The following NREP variants were observed in gnomAD, a reference collection of about 807,000 sequenced individuals.
The protein encoded by NREP is neuronal regeneration-related protein.
NREP carries 5 observed loss-of-function variants against 8.6 expected under a neutral mutation model. The ratio of observed to expected loss-of-function variants is 0.58; its 90% CI spans 0.30 to 1.22. The LOEUF (loss-of-function observed/expected upper bound fraction) is 1.22, where lower values mean the gene tolerates loss of function less well. Among genes scored for constraint, NREP ranks in the 50% most tolerant of loss-of-function variants. The probability of loss-of-function intolerance (pLI) is 0.07; values close to 1 mark genes in which losing one functional copy is unlikely to be tolerated. For missense variants in NREP, 86 were observed against 82.5 expected (o/e 1.04, Z -0.17); for synonymous variants, 27 against 28.0 (o/e 0.96, Z 0.11).
chr5:111,824,952 G>A (rs981158057), intron 2 of NREP, among the ~76,000 whole-genome samples: 2 of 152,108 alleles, frequency 1.3e-5, no homozygotes, highest in African/African-American at 2.4e-5. Flanking sequence ...TACATATATC[G>A]TCTATGTTGT....
chr5:111,767,561 C>T (rs255888), intron 2 of NREP, among the ~76,000 whole-genome samples: 79,415 of 151,928 alleles, frequency 0.52, 21,047 homozygotes, highest in Admixed American at 0.57. Flanking sequence ...CTCACGTCCA[C>T]GTACTCCATC....
At position 111,755,782 on chromosome 5, in the gene NREP, C is replaced by A; in HGVS notation, c.-10G>T. 1 of 1,613,860 alleles carries A rather than the reference C, an allele frequency of 6.2e-7. No homozygotes were observed. The highest frequency in any genetic ancestry group is 8.5e-7 in the Non-Finnish European group (1 of 1,179,792). On this transcript the variant is annotated 5_prime_UTR_variant, in exon 2 of 4. Transcript: ENST00000257435. Reference sequence around the variant, plus strand: ...GACCAAGTCTTACCATTTTGAGAATCTTAGTCTTGGGCTTCTATTCTCCCT... The same window carrying A: ...GACCAAGTCTTACCATTTTGAGAATATTAGTCTTGGGCTTCTATTCTCCCT...
chr5:111,762,052 T>G (rs1282739285), upstream of NREP, among the ~76,000 whole-genome samples: 1 of 151,862 alleles, frequency 6.6e-6, no homozygotes, highest in Non-Finnish European at 1.5e-5. Flanking sequence ...AATATTAGAG[T>G]AATTCACATG....
intron 2 of NREP, among the ~76,000 whole-genome samples, chr5:111,853,925 T>C (rs933865048): frequency 6.6e-6 from 1 of 152,176 alleles, no homozygotes; most frequent in African/African-American, 2.4e-5. Flanking sequence ...ACAGATGCTC[T>C]TTCTCGTTTC....
upstream of NREP, chr5:111,758,169 G>A: frequency 1.0e-6 from 1 of 985,576 alleles, no homozygotes; most frequent in Non-Finnish European, 1.2e-6. Flanking sequence ...GGAAGCCCGG[G>A]GCGGGGAGCG....
At chr5:111,952,860 A>C (rs952584223) in intron 2 of NREP, among the ~76,000 whole-genome samples, 1 of 152,118 alleles carries the variant, frequency 6.6e-6, no homozygotes. Flanking sequence ...TACAAAACAG[A>C]TATATAAAAA....
At chr5:111,822,149 C>G (rs762066575) in intron 2 of NREP, among the ~76,000 whole-genome samples, 1 of 151,904 alleles carries the variant, frequency 6.6e-6, no homozygotes. Context: ...TTGAAAACAA[C>G]TAAAAAAAGT....
chr5:111,911,218 T>C (rs887877317), intron 2 of NREP, among the ~76,000 whole-genome samples: 1 of 152,114 alleles, frequency 6.6e-6, no homozygotes, highest in African/African-American at 2.4e-5. Context: ...TACCCAATGT[T>C]CTTGATATCA....
chr5:111,773,988 G>A (rs567828026), intron 2 of NREP, among the ~76,000 whole-genome samples: 47 of 152,192 alleles, frequency 3.1e-4, no homozygotes, highest in African/African-American at 1.0e-3. Flanking sequence ...AAGCATGCTC[G>A]TCCCTAGAGT....
At chr5:111,822,211 T>A (rs1752528123) in intron 2 of NREP, among the ~76,000 whole-genome samples, 1 of 152,118 alleles carries the variant, frequency 6.6e-6, no homozygotes, top group African/African-American at 2.4e-5. Context: ...ATCAAAGCAG[T>A]GAAGACTTGA....
intron 2 of NREP, among the ~76,000 whole-genome samples, chr5:111,898,560 G>A (rs1754569071): frequency 6.6e-6 from 1 of 152,166 alleles, no homozygotes; most frequent in South Asian, 2.1e-4. Flanking sequence ...GAGTGTAAGA[G>A]AGAAGTTTAG....
At chr5:111,751,101 G>T (rs1022228401) in intron 2 of NREP, among the ~76,000 whole-genome samples, 21 of 152,154 alleles carry the variant, frequency 1.4e-4, no homozygotes, top group Non-Finnish European at 1.5e-5. Flanking sequence ...CTTAATAGAT[G>T]TTAATATGCA....
At chr5:111,896,987 A>G (rs1470876747) in intron 2 of NREP, among the ~76,000 whole-genome samples, 1 of 152,208 alleles carries the variant, frequency 6.6e-6, no homozygotes, top group East Asian at 1.9e-4. Flanking sequence ...TGTTTCATTT[A>G]ATATTATTAA....
At chr5:111,831,514 G>A (rs1327169936) in intron 2 of NREP, among the ~76,000 whole-genome samples, 1 of 152,084 alleles carries the variant, frequency 6.6e-6, no homozygotes, top group Non-Finnish European at 1.5e-5. Flanking sequence ...TCATCCACAG[G>A]CATCCTGTAT....
chr5:111,815,812 C>T (rs1752372735), intron 2 of NREP, among the ~76,000 whole-genome samples: 1 of 152,060 alleles, frequency 6.6e-6, no homozygotes, highest in African/African-American at 2.4e-5. Flanking sequence ...AGCCACAGGT[C>T]CAAGAAACCC....
intron 2 of NREP, among the ~76,000 whole-genome samples, chr5:111,881,453 G>A (rs934620380): frequency 6.6e-6 from 1 of 152,190 alleles, no homozygotes; most frequent in African/African-American, 2.4e-5. Context: ...AAATGTCCCT[G>A]TCTGACAGCT....
intron 2 of NREP, among the ~76,000 whole-genome samples, chr5:111,900,285 G>C (rs1754615231): frequency 6.6e-6 from 1 of 151,924 alleles, no homozygotes; most frequent in African/African-American, 2.4e-5. Flanking sequence ...AGCAAAAGCA[G>C]TGCTGAGAGA....
chr5:111,748,895 A>C (rs1224690796), intron 2 of NREP, among the ~76,000 whole-genome samples: 1 of 152,162 alleles, frequency 6.6e-6, no homozygotes, highest in Non-Finnish European at 1.5e-5. Context: ...CAGCCGCAAG[A>C]AGAAAGTTAA....
intron 2 of NREP, among the ~76,000 whole-genome samples, chr5:111,963,490 A>T (rs1343166541): frequency 2.0e-5 from 3 of 152,238 alleles, no homozygotes; most frequent in African/African-American, 7.2e-5. Flanking sequence ...GAAATAGAGC[A>T]ATTTGAGAAC....
Sources: allele counts gnomAD v4.1 joint callset (sites outside exome capture counted in the v4.1 genomes callset), GRCh38; gene constraint gnomAD v4.1.1; transcripts MANE v1.5; gene names NCBI Gene and HGNC (gene_info 2026-07-23, HGNC 2026-07-21).